Variants in CUL9 observed in about 807,000 individuals in gnomAD.
CUL9 encodes the protein cullin 9, also known as cullin-9.
In CUL9, 79 loss-of-function variants were observed where a neutral mutation model predicts 272.6. That is an observed-to-expected ratio of 0.29 (90% CI 0.24 to 0.35). CUL9 has a LOEUF of 0.35. Ranked by LOEUF, CUL9 falls within the 10% of genes least tolerant of loss-of-function variation. The pLI, the probability that CUL9 is intolerant of heterozygous loss-of-function variation, is 1.00. For missense variants in CUL9, 2,532 were observed against 3,255.6 expected, an observed-to-expected ratio of 0.78 and a Z score of 5.41; for synonymous variants, 1,186 against 1,286.5, an observed-to-expected ratio of 0.92 and a Z score of 1.67.
chr6:43,187,304 G>T lies in CUL9; in HGVS notation c.1446G>T (p.Gln482His). 6.2e-7 allele frequency: 1 copy of T among 1,614,092 alleles called. No individual in the cohort carries two copies. Among genetic ancestry groups the T allele is most frequent in the Non-Finnish European group, 8.5e-7 (1 of 1,179,994 alleles). ...GGCTGTACCCTTTGCCGTACCTCCAGCCCGAACCTCAGAAGAATGAGAGAG... is the reference window on the plus strand; with the variant it reads ...GGCTGTACCCTTTGCCGTACCTCCATCCCGAACCTCAGAAGAATGAGAGAG... ...MDGLYPLPYL[Q>H]PEPQKNERVG... Residue 482 changes from glutamine to histidine, a missense_variant, in exon 6 of 41, where the codon CAG (glutamine) becomes CAT (histidine). Gln to His is a conservative substitution (Grantham distance 24). This residue lies in a region of CUL9 where 2,218 missense variants were observed against 2,788.6 expected (regional missense o/e 0.80). Coordinates refer to ENST00000252050, the MANE Select transcript of CUL9 (RefSeq NM_015089.4).
At chr6:43,196,895 A>C in intron 11 of CUL9, 33 bp downstream of exon 11, 1 of 1,567,066 alleles carries the variant, frequency 6.4e-7, no homozygotes, top group Non-Finnish European at 8.8e-7. Flanking sequence ...TTGCAGAGGA[A>C]TCACACAGTG....
At position 43,221,630 on chromosome 6, in the gene CUL9, C is replaced by A; in HGVS notation, c.6753-55C>A. ...CGGTACATCTGGGCCCTTGGCATTC[C>A]TGGCACACCCCTGCCCAGAGGCAGG... On this transcript the variant is annotated intron_variant, in intron 34 of 40. Transcript: ENST00000252050. The surrounding 1 kb of genome is among the most constrained non-coding windows in gnomAD (Gnocchi z 4.2). The A allele has an allele frequency of 6.5e-7, 1 of 1,535,764 alleles. No homozygotes were observed. Among genetic ancestry groups the A allele is most frequent in the Non-Finnish European group, 9.0e-7 (1 of 1,114,942 alleles).
Position 43,203,402 on chromosome 6 carries a change from C to A in CUL9, c.3850-15C>A. ...CAAGCGGCTTGGGTGACAGATAAGT[C>A]TGTGCATGTTCCAGGGCGGCATTGA... On this transcript the variant is annotated splice_polypyrimidine_tract_variant and intron_variant, in intron 18 of 40. Coordinates refer to ENST00000252050, the MANE Select transcript of CUL9 (RefSeq NM_015089.4). The surrounding 1 kb of genome is among the most constrained non-coding windows in gnomAD (Gnocchi z 5.0). 6.2e-7 allele frequency: 1 copy of A among 1,613,388 alleles called. No individual in the cohort carries two copies. The highest frequency in any genetic ancestry group is 8.5e-7 in the Non-Finnish European group (1 of 1,179,670).
In CUL9 at chr6:43,199,880, G is replaced by A. The variant is rs776597025; in HGVS notation, c.3157-49G>A. On this transcript the variant is annotated intron_variant, in intron 13 of 40. Transcript: ENST00000252050. This position sits in a 1 kb window ranked among gnomAD's most constrained non-coding sequence, Gnocchi z 4.4. Reference sequence around the variant, plus strand: ...TGAACCCTCTCCTCAATCCTTACATGTCCTACCTCTTGTTTCCTGTAAATT... The same window carrying A: ...TGAACCCTCTCCTCAATCCTTACATATCCTACCTCTTGTTTCCTGTAAATT... 10 of 1,457,968 alleles carry A rather than the reference G, an allele frequency of 6.9e-6. No homozygotes were observed. Among genetic ancestry groups the A allele is most frequent in the Non-Finnish European group, 8.7e-6 (9 of 1,039,732 alleles). 90.3% of individuals were successfully genotyped at this position (1,457,968 alleles called of 1,614,324 possible). A position where few individuals can be genotyped will look rare whatever the true frequency, so the allele number is the denominator to read the frequency against.
Position 43,184,230 on chromosome 6 carries a change from C to T in CUL9, c.-9-72C>T. 1 of 1,216,942 alleles carries T rather than the reference C, an allele frequency of 8.2e-7. No individual in the cohort carries two copies. The highest frequency in any genetic ancestry group is 1.1e-6 in the Non-Finnish European group (1 of 908,852). 75.4% of individuals were successfully genotyped at this position (1,216,942 alleles called of 1,614,324 possible). ...ATCACCACCCACCTTCTCTGTGTCTCAAGATTCCACCCCCTCCATGTATTT... is the reference window on the plus strand; with the variant it reads ...ATCACCACCCACCTTCTCTGTGTCTTAAGATTCCACCCCCTCCATGTATTT... On this transcript the variant is annotated intron_variant, in intron 1 of 40. Coordinates refer to ENST00000252050, the MANE Select transcript of CUL9 (RefSeq NM_015089.4). The surrounding 1 kb of genome is among the most constrained non-coding windows in gnomAD (Gnocchi z 4.8).
Position 43,185,453 on chromosome 6 carries a change from C to T in CUL9, c.596-3C>T. 2 of 1,613,118 alleles carry T rather than the reference C, an allele frequency of 1.2e-6. No individual in the cohort carries two copies. The highest frequency in any genetic ancestry group is 1.7e-6 in the Non-Finnish European group (2 of 1,179,832). ...GAAGATATGGATTGGGTATGGATTA[C>T]AGGGAGTCGGGCTCACGTCCTTCTA... On this transcript the variant is annotated splice_region_variant and splice_polypyrimidine_tract_variant and intron_variant, in intron 2 of 40. Coordinates refer to ENST00000252050, the MANE Select transcript of CUL9 (RefSeq NM_015089.4).
chr6:43,205,903 T>C, intron 24 of CUL9, 104 bp from the exon 25 acceptor site: 1 of 869,686 alleles, frequency 1.1e-6, no homozygotes, highest in Non-Finnish European at 1.8e-6. Context: ...TGAGGTAGGG[T>C]ATGTGACTCA....
Position 43,186,435 on chromosome 6 carries a change from A to G in CUL9, c.1231A>G (p.Asn411Asp), listed in dbSNP as rs1239689786. 6.3e-7 allele frequency: 1 copy of G among 1,596,972 alleles called. No homozygotes were observed. The highest frequency in any genetic ancestry group is 1.1e-5 in the South Asian group (1 of 89,552). ...GDEGEFRQSN[N>D]GIPPVQVFWQ... ...CGAGGGCGAGTTCCGGCAGAGCAAC[A>G]ACGGCATTCCCCCTGTGCAGGTGGG... Residue 411 changes from asparagine (N) to aspartate (D), a missense_variant, in exon 4 of 41, where the codon AAC becomes GAC. By Grantham distance (23) the Asn-to-Asp change is conservative. Around this residue, in one of 3 missense-constraint regions of CUL9, gnomAD observed 2,218 missense variants for 2,788.6 expected, o/e 0.80. Coordinates refer to ENST00000252050, the MANE Select transcript of CUL9 (RefSeq NM_015089.4).
At position 43,222,894 on chromosome 6, in the gene CUL9, TG is replaced by T; in HGVS notation, c.7150+1del. ...CACACCAATGCCCTGCAGATCCTCC[TG>T]GGTGAGCCACCCCTGCCAGCCAGGC... Reference protein sequence around the residue: ...ELHTNALQILLEETLLRCRDL... With the variant: ...ELHTNALQILXEETLLRCRDL... On this transcript the variant is annotated frameshift_variant and splice_region_variant, in exon 38 of 41. Transcript: ENST00000252050. LOFTEE classifies it high-confidence loss of function. 6.2e-7 allele frequency: 1 copy of T among 1,612,942 alleles called. No homozygotes were observed. The highest frequency in any genetic ancestry group is 8.5e-7 in the Non-Finnish European group (1 of 1,179,414).
Position 43,204,540 on chromosome 6 carries a change from G to A in CUL9, c.4339+1G>A, listed in dbSNP as rs1360592459. 1 of 1,614,000 alleles carries A rather than the reference G, an allele frequency of 6.2e-7. No individual in the cohort carries two copies. Among genetic ancestry groups the A allele is most frequent in the African/African-American group, 1.3e-5 (1 of 75,040 alleles). On this transcript the variant is annotated splice_donor_variant, in intron 21 of 40. Coordinates refer to ENST00000252050, the MANE Select transcript of CUL9 (RefSeq NM_015089.4). LOFTEE classifies it high-confidence loss of function. ...TCTCCTGAGCCATCCACTCGGCCCT[G>A]TAAGTCCCAGCTGTGGCCAGTGGAG...
In CUL9 at chr6:43,184,252, AT is replaced by A. The variant is rs1270476120; in HGVS notation, c.-9-42del. The A allele has an allele frequency of 1.6e-5, 21 of 1,311,658 alleles. No individual in the cohort carries two copies. The highest frequency in any genetic ancestry group is 5.9e-5 in the South Asian group (3 of 51,198). 81.3% of individuals were successfully genotyped at this position (1,311,658 alleles called of 1,614,324 possible). A position where few individuals can be genotyped will look rare whatever the true frequency, so the allele number is the denominator to read the frequency against. The stretch of plus-strand genomic sequence containing the variant: ...TCTCAAGATTCCACCCCCTCCATGT[AT>A]TTTTTTTCTTTTCTCATACTGCCTT... On this transcript the variant is annotated intron_variant, in intron 1 of 40. Transcript: ENST00000252050. The surrounding 1 kb of genome is among the most constrained non-coding windows in gnomAD (Gnocchi z 4.8).
chr6:43,217,249 TGGGA>T (rs1776012135), intron 31 of CUL9, among the ~76,000 whole-genome samples: 1 of 151,980 alleles, frequency 6.6e-6, no homozygotes, highest in South Asian at 2.1e-4. Flanking sequence ...CCCAGCTACT[TGGGA>T]GGCTGAAGTG....
At chr6:43,185,380 G>A in intron 2 of CUL9, 76 bp from the exon 3 acceptor site, 1 of 1,501,124 alleles carries the variant, frequency 6.7e-7, no homozygotes, top group Middle Eastern at 1.7e-4. Flanking sequence ...GTCTGGGGTA[G>A]GAGATAGAAT....
Position 43,196,171 on chromosome 6 carries a change from A to G in CUL9, c.2491A>G (p.Ile831Val). 6.2e-7 allele frequency: 1 copy of G among 1,614,136 alleles called. No individual in the cohort carries two copies. The highest frequency in any genetic ancestry group is 8.5e-7 in the Non-Finnish European group (1 of 1,180,048). ...SLFDAQMTRE[I>V]FASIDSATRP... ...GTTTGATGCTCAGATGACCAGAGAG[A>G]TCTTCGCCAGCATCGACTCAGCCAC... The change falls in exon 10 of 41, where the codon ATC (isoleucine) becomes GTC (valine). Residue 831 changes from isoleucine to valine, a missense_variant. Transcript: ENST00000252050.
Position 43,204,380 on chromosome 6 carries a change from C to G in CUL9, c.4180C>G (p.Leu1394Val). ...TSPDAEGVSA[L>V]GWLLDQYLEQ... ...TTCAGATGCGGAAGGCGTGAGTGCC[C>G]TGGGATGGCTGCTGGATCAGTACTT... is the stretch of plus-strand genomic sequence containing the variant. The change falls in exon 21 of 41, where the codon CTG becomes GTG. Residue 1394 changes from leucine to valine, a missense_variant. This residue lies in a region of CUL9 where 2,218 missense variants were observed against 2,788.6 expected (regional missense o/e 0.80). Coordinates refer to ENST00000252050, the MANE Select transcript of CUL9 (RefSeq NM_015089.4). The G allele has an allele frequency of 6.2e-7, 1 of 1,614,112 alleles. No homozygotes were observed. The highest frequency in any genetic ancestry group is 1.3e-5 in the African/African-American group (1 of 75,042).
At chr6:43,183,721 C>T (rs1188266852) in intron 1 of CUL9, among the ~76,000 whole-genome samples, 2 of 151,364 alleles carry the variant, frequency 1.3e-5, no homozygotes, top group East Asian at 1.9e-4. Context: ...TTCCTTCCTT[C>T]CTTCCTTCCT....
chr6:43,192,891 G>A (rs1432325011), intron 8 of CUL9, 110 bp from the exon 9 acceptor site: 2 of 896,544 alleles, frequency 2.2e-6, no homozygotes, highest in East Asian at 5.1e-5. Context: ...CAGAGAGGAT[G>A]GACTAGATCT....
Position 43,220,703 on chromosome 6 carries a change from C to T in CUL9, c.6424-44C>T. The T allele has an allele frequency of 6.2e-7, 1 of 1,605,326 alleles. No homozygotes were observed. ...GCTGGGGGCCTGGAGGTGTGGCATC[C>T]TGGAGAGCCATACCCTCACCTCGTG... On this transcript the variant is annotated intron_variant, in intron 32 of 40. Coordinates refer to ENST00000252050, the MANE Select transcript of CUL9 (RefSeq NM_015089.4). The surrounding 1 kb of genome is among the most constrained non-coding windows in gnomAD (Gnocchi z 4.9).
At chr6:43,219,640 G>A (rs1005473227) in intron 31 of CUL9, among the ~76,000 whole-genome samples, 5 of 152,144 alleles carry the variant, frequency 3.3e-5, no homozygotes, top group Admixed American at 1.3e-4. Flanking sequence ...ACAGACACAC[G>A]GTCTCCTGAG....
Sources: allele counts gnomAD v4.1 joint callset (sites outside exome capture counted in the v4.1 genomes callset), GRCh38; gene constraint gnomAD v4.1.1; regional missense constraint gnomAD v4.1.1; non-coding constraint Gnocchi (gnomAD v3.1); transcripts MANE v1.5; gene names NCBI Gene and HGNC (gene_info 2026-07-23, HGNC 2026-07-21).